GUCY2F: variants seen among roughly 807,000 people sequenced by gnomAD.
GUCY2F encodes guanylate cyclase 2F, retinal.
GUCY2F carries 61 observed loss-of-function variants against 73.1 expected under a neutral mutation model. The observed-to-expected ratio is 0.83, with a 90% CI of 0.68 to 1.03. The LOEUF is 1.03. GUCY2F is among the 50% of genes least tolerant of loss of function. GUCY2F has a pLI of 0.00. For missense variants in GUCY2F, 912 were observed against 854.3 expected, an observed-to-expected ratio of 1.07 and a Z score of -0.84; for synonymous variants, 331 against 307.8, an observed-to-expected ratio of 1.08 and a Z score of -0.79.
At chrX:109,442,589 A>T (rs1931900564) in intron 6 of GUCY2F, among the ~76,000 whole-genome samples, 1 of 111,178 alleles carries the variant, frequency 9.0e-6, no homozygotes, top group Non-Finnish European at 1.9e-5. Flanking sequence ...TCAACTAAAG[A>T]TTACACCTTA....
chrX:109,417,755 C>T (rs1931279390), intron 8 of GUCY2F, among the ~76,000 whole-genome samples: 2 of 110,635 alleles, frequency 1.8e-5, no homozygotes, highest in African/African-American at 3.3e-5. Flanking sequence ...ATAAGATGAA[C>T]ATTAATCCAA....
intron 2 of GUCY2F, among the ~76,000 whole-genome samples, chrX:109,474,401 G>T (rs1351746001): frequency 1.8e-5 from 2 of 111,440 alleles, no homozygotes; most frequent in Admixed American, 9.5e-5. Context: ...ACAAGGGCTT[G>T]CCATAAGTGT....
At chrX:109,394,179 C>A (rs771297956) in intron 12 of GUCY2F, among the ~76,000 whole-genome samples, 1 of 112,075 alleles carries the variant, frequency 8.9e-6, no homozygotes, top group Non-Finnish European at 1.9e-5. Context: ...TGAAGCATTT[C>A]AGTGAGGGCA....
intron 15 of GUCY2F, among the ~76,000 whole-genome samples, chrX:109,385,776 T>C (rs1930422128): frequency 8.9e-6 from 1 of 112,312 alleles, no homozygotes; most frequent in Non-Finnish European, 1.9e-5. Flanking sequence ...TTATCTGTGT[T>C]GGGGCATGGA....
At position 109,452,018 on chromosome X, in the gene GUCY2F, T is replaced by A. The variant is rs759427048; in HGVS notation, c.1472+5A>T. On this transcript the variant is annotated splice_donor_5th_base_variant and intron_variant, in intron 5 of 19. Coordinates refer to ENST00000218006, the MANE Select transcript of GUCY2F (RefSeq NM_001522.3). ...TTTTATATACAAAAATAACAAAAAATGTACCTTATAAAGTAAGCAAATCCA... is the reference window on the plus strand; with the variant it reads ...TTTTATATACAAAAATAACAAAAAAAGTACCTTATAAAGTAAGCAAATCCA... The A allele has an allele frequency of 1.7e-5, 15 of 898,067 alleles. No individual in the cohort carries two copies. In the Admixed American group the frequency reaches 3.3e-4, roughly 20 times the overall value. The allele number at this position is 898,067 out of a possible 1,213,427, so 74.0% of individuals were successfully genotyped here. A position where few individuals can be genotyped will look rare whatever the true frequency, so the allele number is the denominator to read the frequency against.
intron 3 of GUCY2F, among the ~76,000 whole-genome samples, chrX:109,457,312 G>A: frequency 9.0e-6 from 1 of 111,582 alleles, no homozygotes; most frequent in Non-Finnish European, 1.9e-5. Context: ...GATTTACTGT[G>A]TCTGAGAAGA....
intron 7 of GUCY2F, among the ~76,000 whole-genome samples, chrX:109,435,011 G>A (rs1201848136): frequency 9.1e-6 from 1 of 110,259 alleles, no homozygotes; most frequent in Non-Finnish European, 1.9e-5. Flanking sequence ...CCAGTACCAT[G>A]CTGTTTTGGT....
chrX:109,379,359 G>A lies in GUCY2F; in HGVS notation c.3150+2759C>T, dbSNP rs182611338. Among the ~76,000 whole-genome samples, 239 of 104,277 alleles carry A rather than the reference G, an allele frequency of 2.3e-3. 1 individual carries two copies. The highest frequency in any genetic ancestry group is 7.2e-3 in the African/African-American group (210 of 29,211). 90.6% of individuals were successfully genotyped at this position (104,277 alleles called of 115,157 possible). A position where few individuals can be genotyped will look rare whatever the true frequency, so the allele number is the denominator to read the frequency against. ...GCTGTACATTTCAAAATCACTAAACGAATGCATTTCAAATGTTCTCACCAC... is the reference window on the plus strand; with the variant it reads ...GCTGTACATTTCAAAATCACTAAACAAATGCATTTCAAATGTTCTCACCAC... On this transcript the variant is annotated intron_variant, in intron 17 of 19. Transcript: ENST00000218006.
At position 109,475,599 on chromosome X, in the gene GUCY2F, A is replaced by T. The variant is rs1392237779; in HGVS notation, c.338T>A (p.Phe113Tyr). The T allele has an allele frequency of 1.7e-6, 2 of 1,209,525 alleles. No individual in the cohort carries two copies. The highest frequency in any genetic ancestry group is 3.5e-5 in the African/African-American group (2 of 57,076). The change falls in exon 2 of 20, where the codon TTC becomes TAC. Residue 113 changes from phenylalanine to tyrosine, a missense_variant. Phe to Tyr is a conservative substitution (Grantham distance 22). Coordinates refer to ENST00000218006, the MANE Select transcript of GUCY2F (RefSeq NM_001522.3). ...TGAGGCCATCTGGTGGTGGGAAATG[A>T]AACTGGAGAGAGCCCTCGAAGTCTG... ...DCQTSRALSS[F>Y]ISHHQMASGF... is the part of the protein sequence containing the mutation.
intron 10 of GUCY2F, among the ~76,000 whole-genome samples, chrX:109,399,611 G>T (rs1361541126): frequency 9.0e-6 from 1 of 111,233 alleles, no homozygotes; most frequent in African/African-American, 3.3e-5. Context: ...GAGTGTTTTA[G>T]ATTGAATTAT....
intron 12 of GUCY2F, 57 bp downstream of exon 12, chrX:109,395,284 T>C: frequency 9.6e-7 from 1 of 1,041,732 alleles, no homozygotes; most frequent in Non-Finnish European, 1.3e-6. Context: ...GGAGTTAGCC[T>C]TGTGTAGGCT....
Position 109,453,910 on chromosome X carries a change from C to A in GUCY2F, c.1033-51G>T, listed in dbSNP as rs952304429. The A allele has an allele frequency of 5.9e-6, 4 of 681,951 alleles. No individual in the cohort carries two copies. The African/African-American group carries it at 8.9e-5, about 15-fold the overall frequency. The allele number at this position is 681,951 out of a possible 1,213,427, so 56.2% of individuals were successfully genotyped here. A position where few individuals can be genotyped will look rare whatever the true frequency, so the allele number is the denominator to read the frequency against. On this transcript the variant is annotated intron_variant, in intron 3 of 19. Coordinates refer to ENST00000218006, the MANE Select transcript of GUCY2F (RefSeq NM_001522.3). ...TGAGCCCTGGTCGCCCTAGAGCGAT[C>A]TCAGAGTATATTCCAAGCCTGTGTT...
intron 1 of GUCY2F, among the ~76,000 whole-genome samples, chrX:109,478,734 G>A (rs1344422640): frequency 1.8e-5 from 2 of 112,482 alleles, no homozygotes; most frequent in African/African-American, 6.5e-5. Flanking sequence ...CTTTGAAGTA[G>A]GTGTTATTAT....
chrX:109,471,521 T>C (rs1932574419), intron 2 of GUCY2F, among the ~76,000 whole-genome samples: 1 of 112,479 alleles, frequency 8.9e-6, no homozygotes, highest in African/African-American at 3.2e-5. Flanking sequence ...GAGCAGAGAC[T>C]GGACTGGATT....
chrX:109,457,939 A>T (rs1200440748), intron 3 of GUCY2F, among the ~76,000 whole-genome samples: 1 of 112,080 alleles, frequency 8.9e-6, no homozygotes, highest in Non-Finnish European at 1.9e-5. Flanking sequence ...GAAAAGGAAG[A>T]ATGTAGGCAT....
rs773038894 is a variant in GUCY2F, at chrX:109,430,312, C to A, written c.1786G>T (p.Glu596Ter). ...SIKSRASDVF[E>*]MMKDLRHENI... ...TAAACGAAGATTTCTCATACCATTTCGAACACATCACTTGCTCTTGATTTG... is the reference window on the plus strand; with the variant it reads ...TAAACGAAGATTTCTCATACCATTTAGAACACATCACTTGCTCTTGATTTG... The change falls in exon 8 of 20, where the codon GAA becomes TAA. Residue 596 changes from glutamate to a stop codon, truncating the protein, a stop_gained. Coordinates refer to ENST00000218006, the MANE Select transcript of GUCY2F (RefSeq NM_001522.3). LOFTEE classifies it high-confidence loss of function. 23 of 1,026,876 alleles carry A rather than the reference C, an allele frequency of 2.2e-5. No individual in the cohort carries two copies. Among genetic ancestry groups the A allele is most frequent in the Non-Finnish European group, 2.9e-5 (21 of 729,736 alleles). The allele number at this position is 1,026,876 out of a possible 1,213,427, so 84.6% of individuals were successfully genotyped here. A position where few individuals can be genotyped will look rare whatever the true frequency, so the allele number is the denominator to read the frequency against.
chrX:109,387,965 T>TTTTATGAC (rs1930474713), intron 15 of GUCY2F, among the ~76,000 whole-genome samples: 1 of 110,476 alleles, frequency 9.1e-6, no homozygotes, highest in African/African-American at 3.3e-5. Flanking sequence ...GCAAAGGGGC[T>TTTTATGAC]AAGGAGGGAG....
At chrX:109,413,124 T>C (rs1481301609) in intron 8 of GUCY2F, among the ~76,000 whole-genome samples, 2 of 112,378 alleles carry the variant, frequency 1.8e-5, no homozygotes, top group Non-Finnish European at 3.8e-5. Context: ...TCTAGATCTT[T>C]GATAGATCTT....
chrX:109,463,039 ATC>A (rs1384871983), intron 3 of GUCY2F, among the ~76,000 whole-genome samples: 3 of 112,032 alleles, frequency 2.7e-5, no homozygotes, highest in Non-Finnish European at 3.8e-5. Flanking sequence ...CATTGTTAAT[ATC>A]TCTGTTATTA....
Sources: gnomAD v4.1 joint callset for allele counts (sites outside exome capture counted in the v4.1 genomes callset) on GRCh38, gnomAD v4.1.1 for gene constraint, MANE v1.5 for transcripts, NCBI Gene and HGNC (gene_info 2026-07-23, HGNC 2026-07-21) for gene names.